Variants in NRG3 observed in about 807,000 individuals in gnomAD.
NRG3 encodes neuregulin 3.
NRG3 carries 31 observed loss-of-function variants against 66.9 expected under a neutral mutation model. That is an observed-to-expected ratio of 0.46 (90% CI 0.35 to 0.63). The LOEUF (loss-of-function observed/expected upper bound fraction) is 0.63. NRG3 is among the 20% of genes least tolerant of loss of function. The pLI is 0.00. For synonymous variants in NRG3, 393 were observed against 359.4 expected (o/e 1.09, Z -1.06); for missense variants, 910 against 878.9 (o/e 1.04, Z -0.45).
intron 2 of NRG3, among the ~76,000 whole-genome samples, chr10:82,448,490 T>C (rs998013581): frequency 2.0e-5 from 3 of 152,226 alleles, no homozygotes; most frequent in African/African-American, 4.8e-5. Context: ...TCTCTGCTTT[T>C]CAAGGGCTCA....
chr10:82,149,268 TAAA>T (rs1384446322), intron 1 of NRG3, among the ~76,000 whole-genome samples: 1 of 152,134 alleles, frequency 6.6e-6, no homozygotes, highest in African/African-American at 2.4e-5. Context: ...AATCCAGTTA[TAAA>T]AATAACACTT....
chr10:82,259,965 T>C (rs2077937337), intron 1 of NRG3, among the ~76,000 whole-genome samples: 2 of 151,692 alleles, frequency 1.3e-5, no homozygotes, highest in South Asian at 2.1e-4. Context: ...GATAAACAAA[T>C]AAATAAATAG....
intron 1 of NRG3, among the ~76,000 whole-genome samples, chr10:82,050,419 A>C (rs1319416025): frequency 6.6e-6 from 1 of 152,008 alleles, no homozygotes; most frequent in African/African-American, 2.4e-5. Context: ...GGATGGATGA[A>C]TAGATGAATG....
intron 1 of NRG3, among the ~76,000 whole-genome samples, chr10:81,879,440 A>G (rs540479706): frequency 6.6e-5 from 10 of 152,352 alleles, no homozygotes; most frequent in East Asian, 3.9e-4. Flanking sequence ...AATGCTGCCA[A>G]TGCAAATGTG....
chr10:82,527,370 T>A (rs2132607794), intron 2 of NRG3, among the ~76,000 whole-genome samples: 1 of 152,174 alleles, frequency 6.6e-6, no homozygotes, highest in South Asian at 2.1e-4. Flanking sequence ...AATAGTAAAC[T>A]ACAATTTTAA....
chr10:82,429,484 T>TCA (rs2089658028), intron 2 of NRG3, among the ~76,000 whole-genome samples: 1 of 152,132 alleles, frequency 6.6e-6, no homozygotes, highest in Non-Finnish European at 1.5e-5. Context: ...TTCTAATGAA[T>TCA]AGTTAGCTGT....
chr10:82,218,695 C>T (rs1160477288), intron 1 of NRG3, among the ~76,000 whole-genome samples: 1 of 152,154 alleles, frequency 6.6e-6, no homozygotes, highest in Admixed American at 6.6e-5. Flanking sequence ...CTTCTTCTGT[C>T]TCTGCTTTTC....
chr10:82,891,060 T>C (rs142788677), intron 4 of NRG3, among the ~76,000 whole-genome samples: 1 of 152,218 alleles, frequency 6.6e-6, no homozygotes, highest in African/African-American at 2.4e-5. Flanking sequence ...GTAGATCAAG[T>C]AAACCAACAT....
intron 4 of NRG3, among the ~76,000 whole-genome samples, chr10:82,919,993 T>A (rs1846266198): frequency 6.6e-6 from 1 of 151,752 alleles, no homozygotes; most frequent in African/African-American, 2.4e-5. Flanking sequence ...TGTTTGAAAA[T>A]GAAAATAGAA....
intron 1 of NRG3, among the ~76,000 whole-genome samples, chr10:82,336,611 C>T (rs1246590327): frequency 1.3e-5 from 2 of 151,208 alleles, no homozygotes; most frequent in Non-Finnish European, 2.9e-5. Context: ...CAACTTCTGC[C>T]TCCCTGGTTC....
chr10:82,820,619 G>T (rs1335203336), intron 3 of NRG3, among the ~76,000 whole-genome samples: 1 of 152,102 alleles, frequency 6.6e-6, no homozygotes, highest in African/African-American at 2.4e-5. Context: ...TTAAATCAAA[G>T]CCCTTTAAAA....
intron 2 of NRG3, among the ~76,000 whole-genome samples, chr10:82,491,715 C>A (rs959079930): frequency 2.6e-5 from 4 of 152,040 alleles, no homozygotes; most frequent in Non-Finnish European, 5.9e-5. Context: ...TGATATTGAT[C>A]TTTACTGCCA....
At chr10:82,119,421 T>C (rs1274878210) in intron 1 of NRG3, among the ~76,000 whole-genome samples, 1 of 152,182 alleles carries the variant, frequency 6.6e-6, no homozygotes, top group Non-Finnish European at 1.5e-5. Flanking sequence ...TCTGCCTTGC[T>C]CATTTAATCT....
At chr10:82,278,466 G>T (rs6584611) in intron 1 of NRG3, among the ~76,000 whole-genome samples, 71,857 of 151,852 alleles carry the variant, frequency 0.47, 20,625 homozygotes, top group African/African-American at 0.81. Flanking sequence ...CTCTCAGACT[G>T]TCTTCCCTGT....
intron 2 of NRG3, among the ~76,000 whole-genome samples, chr10:82,449,720 G>A (rs2090923322): frequency 6.6e-6 from 1 of 152,144 alleles, no homozygotes; most frequent in South Asian, 2.1e-4. Context: ...GCATATGTGT[G>A]GTCGCAGGCT....
intron 3 of NRG3, among the ~76,000 whole-genome samples, chr10:82,813,211 CT>C (rs58875697): frequency 0.022 from 2,417 of 112,076 alleles, 45 homozygotes; most frequent in African/African-American, 0.076. Flanking sequence ...CTCTGTTTCT[CT>C]TTTTTTTTTT....
At chr10:82,480,799 C>T (rs1842208565) in intron 2 of NRG3, among the ~76,000 whole-genome samples, 1 of 152,206 alleles carries the variant, frequency 6.6e-6, no homozygotes, top group Non-Finnish European at 1.5e-5. Context: ...GTGTCATTGG[C>T]TAACGCAGCT....
intron 2 of NRG3, among the ~76,000 whole-genome samples, chr10:82,582,583 T>A (rs1025395952): frequency 6.6e-6 from 1 of 152,044 alleles, no homozygotes; most frequent in Non-Finnish European, 1.5e-5. Context: ...GTGCTGTTTT[T>A]AAAGGTAATT....
At chr10:82,826,269 G>A (rs1473110852) in intron 3 of NRG3, among the ~76,000 whole-genome samples, 2 of 152,174 alleles carry the variant, frequency 1.3e-5, no homozygotes, top group Non-Finnish European at 2.9e-5. Flanking sequence ...TTGGCCCCAG[G>A]TTGTGGATGA....
Sources: gnomAD v4.1 joint callset for allele counts (sites outside exome capture counted in the v4.1 genomes callset) on GRCh38, gnomAD v4.1.1 for gene constraint, MANE v1.5 for transcripts, NCBI Gene and HGNC (gene_info 2026-07-23, HGNC 2026-07-21) for gene names.